The following RBFOX1 variants were observed in gnomAD, a reference collection of about 807,000 sequenced individuals.
RBFOX1 encodes RNA binding protein fox-1 homolog 1.
Under a neutral mutation model 57.7 loss-of-function variants are expected in RBFOX1, and 8 were observed. The observed-to-expected ratio is 0.14, with a 90% CI of 0.08 to 0.25. The LOEUF is 0.25. Ranked by LOEUF, RBFOX1 falls within the 10% of genes least tolerant of loss-of-function variation. The pLI, the probability that RBFOX1 is intolerant of heterozygous loss-of-function variation, is 1.00. For missense variants in RBFOX1, 611 were observed against 548.5 expected (o/e 1.11, Z -1.14); for synonymous variants, 326 against 222.4 (o/e 1.47, Z -4.15).
intron 9 of RBFOX1, among the ~76,000 whole-genome samples, chr16:7,605,739 C>A (rs2095258672): frequency 6.6e-6 from 1 of 152,144 alleles, no homozygotes; most frequent in South Asian, 2.1e-4. Context: ...TTAATCATTG[C>A]CTTCTCTCAA....
intron 4 of RBFOX1, among the ~76,000 whole-genome samples, chr16:5,975,081 T>A (rs974717697): frequency 6.6e-6 from 1 of 152,246 alleles, no homozygotes; most frequent in Non-Finnish European, 1.5e-5. Flanking sequence ...CCTCTTTTTT[T>A]AATAAGTTGA....
rs1405455270 is a variant in RBFOX1 at position 6,814,836 on chromosome 16, G to C, written c.-16+160186G>C. Among the ~76,000 whole-genome samples, 6 of 152,102 alleles carry C rather than the reference G, an allele frequency of 3.9e-5. No individual in the cohort carries two copies. In the South Asian group the frequency reaches 1.0e-3, roughly 26 times the overall value. Reference sequence around the variant, plus strand: ...ATGTCCTGTGAGTGTTTCTGGAAAGGGGTCCTGATCCAGACGCCAAGAGAG... The same window carrying C: ...ATGTCCTGTGAGTGTTTCTGGAAAGCGGTCCTGATCCAGACGCCAAGAGAG... On this transcript the variant is annotated intron_variant, in intron 3 of 15. Transcript: ENST00000550418.
At position 7,144,417 on chromosome 16, in the gene RBFOX1, C is replaced by CTTCTTTTTTTTTTTTTTTTTTTT. The variant is rs3046798; in HGVS notation, c.27+92321_27+92322insCTTTTTTTTTTTTTTTTTTTTTT. On this transcript the variant is annotated intron_variant, in intron 4 of 15. Coordinates refer to ENST00000550418, the MANE Select transcript of RBFOX1 (RefSeq NM_018723.4). ...TCTTTTCTCTTTCTTTTTCTTTCTT[C>CTTCTTTTTTTTTTTTTTTTTTTT]TTTTTTTTTTTTTTTTTTTTTGAGT... Among the ~76,000 whole-genome samples, 23 of 66,926 alleles carry CTTCTTTTTTTTTTTTTTTTTTTT rather than the reference C, an allele frequency of 3.4e-4. 1 individual carries two copies. The highest frequency in any genetic ancestry group is 6.7e-4 in the African/African-American group (11 of 16,500). The allele number at this position is 66,926 out of a possible 152,430, so 43.9% of individuals were successfully genotyped here. A position where few individuals can be genotyped will look rare whatever the true frequency, so the allele number is the denominator to read the frequency against.
chr16:5,756,223 CAAAAAAAAAAAA>C (rs5815266), intron 3 of RBFOX1, among the ~76,000 whole-genome samples: 1 of 50,948 alleles, frequency 2.0e-5, no homozygotes, highest in Non-Finnish European at 3.5e-5. Flanking sequence ...TCCACATAAG[CAAAAAAAAAAAA>C]AAAAAAAAAA....
chr16:7,049,294 C>G (rs962208778), intron 3 of RBFOX1, among the ~76,000 whole-genome samples: 1 of 152,076 alleles, frequency 6.6e-6, no homozygotes, highest in African/African-American at 2.4e-5. Context: ...TAAAGAAAAG[C>G]AATGGGAGGT....
chr16:5,673,327 C>T (rs1303755736), intron 3 of RBFOX1, among the ~76,000 whole-genome samples: 1 of 152,026 alleles, frequency 6.6e-6, no homozygotes, highest in Non-Finnish European at 1.5e-5. Flanking sequence ...GAAGCAGGTT[C>T]CAAGGTCGAC....
intron 4 of RBFOX1, among the ~76,000 whole-genome samples, chr16:7,462,102 C>T (rs2059686416): frequency 6.6e-6 from 1 of 152,160 alleles, no homozygotes; most frequent in Non-Finnish European, 1.5e-5. Flanking sequence ...GGTATTTGGC[C>T]TGACATACCA....
chr16:7,564,570 G>T (rs900836062), intron 5 of RBFOX1, among the ~76,000 whole-genome samples: 2 of 101,896 alleles, frequency 2.0e-5, no homozygotes, highest in African/African-American at 4.9e-5. Context: ...AAAAAAAAAG[G>T]CACTCATCTG....
chr16:7,059,206 C>T (rs769942940), intron 4 of RBFOX1, among the ~76,000 whole-genome samples: 9 of 152,150 alleles, frequency 5.9e-5, no homozygotes, highest in Non-Finnish European at 1.2e-4. Context: ...TGTGTCTCAC[C>T]CCTCTCCACT....
intron 3 of RBFOX1, among the ~76,000 whole-genome samples, chr16:6,696,232 C>T (rs897455547): frequency 6.6e-6 from 1 of 152,124 alleles, no homozygotes; most frequent in Non-Finnish European, 1.5e-5. Flanking sequence ...TATACAATAT[C>T]TGTTTGTACC....
intron 2 of RBFOX1, among the ~76,000 whole-genome samples, chr16:5,493,563 G>C (rs1010884850): frequency 6.6e-6 from 1 of 152,228 alleles, no homozygotes; most frequent in African/African-American, 2.4e-5. Flanking sequence ...CCCTGGTGCT[G>C]ATTGATGGGA....
chr16:5,827,786 C>T (rs1192851403), intron 3 of RBFOX1, among the ~76,000 whole-genome samples: 1 of 152,082 alleles, frequency 6.6e-6, no homozygotes, highest in Admixed American at 6.5e-5. Context: ...GTTTTTTTCT[C>T]CTACACTCGT....
At chr16:6,830,079 G>C (rs897559120) in intron 3 of RBFOX1, among the ~76,000 whole-genome samples, 1 of 151,790 alleles carries the variant, frequency 6.6e-6, no homozygotes, top group African/African-American at 2.4e-5. Flanking sequence ...ACCAAGCCTG[G>C]CTAATTTTTG....
chr16:5,826,888 G>A lies in RBFOX1; in HGVS notation c.319-40415G>A, dbSNP rs148989044. Among the ~76,000 whole-genome samples the A allele has an allele frequency of 2.0e-4, 31 of 152,278 alleles. No homozygotes were observed. In the East Asian group the frequency reaches 5.4e-3, roughly 27 times the overall value. On this transcript the variant is annotated intron_variant, in intron 3 of 19. Coordinates refer to the RBFOX1 transcript ENST00000641259. ...ATCCGTGGCAGGAGCAAGCTAAGGA[G>A]CCCTGAATCCTTGACCAATAGTGTT...
At chr16:6,622,793 C>G (rs2098251597) in intron 2 of RBFOX1, among the ~76,000 whole-genome samples, 1 of 152,110 alleles carries the variant, frequency 6.6e-6, no homozygotes. Flanking sequence ...AATACTGAAG[C>G]CACTGATGAG....
At chr16:7,188,004 C>T (rs923148256) in intron 4 of RBFOX1, among the ~76,000 whole-genome samples, 4 of 152,126 alleles carry the variant, frequency 2.6e-5, no homozygotes, top group African/African-American at 9.7e-5. Context: ...GTGTGCTAGC[C>T]ATAGTTATCT....
At chr16:7,567,108 T>C (rs973903059) in intron 5 of RBFOX1, among the ~76,000 whole-genome samples, 8 of 149,662 alleles carry the variant, frequency 5.3e-5, no homozygotes, top group Non-Finnish European at 1.0e-4. Flanking sequence ...TATATATGTA[T>C]ATCCATATAT....
At chr16:6,981,208 T>A (rs1568206248) in intron 3 of RBFOX1, among the ~76,000 whole-genome samples, 2 of 152,010 alleles carry the variant, frequency 1.3e-5, no homozygotes, top group Non-Finnish European at 2.9e-5. Flanking sequence ...ACAGATTATT[T>A]CATCACCCAG....
At chr16:6,873,407 A>G (rs1237540509) in intron 3 of RBFOX1, among the ~76,000 whole-genome samples, 1 of 152,138 alleles carries the variant, frequency 6.6e-6, no homozygotes, top group Non-Finnish European at 1.5e-5. Context: ...GCAATTAAAG[A>G]AGAAGTGCTC....
Sources: allele counts gnomAD v4.1 joint callset (sites outside exome capture counted in the v4.1 genomes callset), GRCh38; gene constraint gnomAD v4.1.1; transcripts MANE v1.5; gene names NCBI Gene and HGNC (gene_info 2026-07-23, HGNC 2026-07-21).